KLF15: variants seen among roughly 807,000 people sequenced by gnomAD.
KLF15 encodes the protein KLF transcription factor 15, also known as Krueppel-like factor 15.
Under a neutral mutation model 24.6 loss-of-function variants are expected in KLF15, and 4 were observed. The ratio of observed to expected loss-of-function variants is 0.16; its 90% confidence interval spans 0.08 to 0.37. The LOEUF (loss-of-function observed/expected upper bound fraction) is 0.37, where lower values mean the gene tolerates loss of function less well. KLF15 is among the 10% of genes least tolerant of loss of function. KLF15 has a pLI of 1.00. For synonymous variants in KLF15, 246 were observed against 236.3 expected (o/e 1.04, Z -0.37); for missense variants, 496 against 560.6 (o/e 0.88, Z 1.16).
chr3:126,303,179 T>C, the KLF15 span, among the ~76,000 whole-genome samples: 1 of 152,098 alleles, frequency 6.6e-6, no homozygotes. Flanking sequence ...AATTAGCTTT[T>C]GGAAAGATTC....
Position 126,352,324 on chromosome 3 carries a change from C to T in KLF15, c.599G>A (p.Ser200Asn), listed in dbSNP as rs531589820. Residue 200 changes from serine to asparagine, a missense_variant, in exon 2 of 3, where the codon AGT becomes AAT. By Grantham distance (46) the Ser-to-Asn change is conservative (BLOSUM62 1). Coordinates refer to ENST00000296233, the MANE Select transcript of KLF15 (RefSeq NM_014079.4). Reference sequence around the variant, plus strand: ...ACCTGGGCCCTGGGCACCTCCTGCACTGGCACCACCTGGTGGAGGGGAACA... The same window carrying T: ...ACCTGGGCCCTGGGCACCTCCTGCATTGGCACCACCTGGTGGAGGGGAACA... ...ERCSPPPGGA[S>N]AGGAQGPGGG... is the part of the protein sequence containing the mutation. The T allele has an allele frequency of 3.2e-6, 5 of 1,572,130 alleles. No individual in the cohort carries two copies. The highest frequency in any genetic ancestry group is 1.7e-4 in the Middle Eastern group (1 of 5,830).
the KLF15 span, among the ~76,000 whole-genome samples, chr3:126,333,648 C>T: frequency 6.7e-6 from 1 of 149,086 alleles, no homozygotes; most frequent in Non-Finnish European, 1.5e-5. Context: ...AGAGTCAAGA[C>T]CCATCAGTGT....
chr3:126,309,749 C>T, the KLF15 span, among the ~76,000 whole-genome samples: 18 of 152,210 alleles, frequency 1.2e-4, no homozygotes, highest in South Asian at 6.2e-4. Flanking sequence ...ATCCTGGTGC[C>T]TCTTGTAGCA....
At chr3:126,288,797 C>G in the KLF15 span, 3 of 152,320 alleles carry the variant, frequency 2.0e-5, no homozygotes, top group South Asian at 4.2e-4. Context: ...TTGACACAGT[C>G]TGAAAACAAA....
At chr3:126,341,974 C>T (rs1464705681), downstream of KLF15, among the ~76,000 whole-genome samples, 1 of 152,158 alleles carries the variant, frequency 6.6e-6, no homozygotes, top group Non-Finnish European at 1.5e-5. Flanking sequence ...CATAGCCCCT[C>T]CTTGTGCTTG....
chr3:126,328,376 G>GTGAATTT, the KLF15 span, among the ~76,000 whole-genome samples: 2 of 152,142 alleles, frequency 1.3e-5, no homozygotes, highest in African/African-American at 4.8e-5. Flanking sequence ...ATTGTGAATT[G>GTGAATTT]TGCTGCTATA....
At chr3:126,307,962 C>T in the KLF15 span, among the ~76,000 whole-genome samples, 379 of 152,272 alleles carry the variant, frequency 2.5e-3, no homozygotes, top group Non-Finnish European at 3.5e-3. Flanking sequence ...TGGCTGTGCC[C>T]GCAGCCCGGT....
At chr3:126,332,007 A>C in the KLF15 span, among the ~76,000 whole-genome samples, 1 of 152,190 alleles carries the variant, frequency 6.6e-6, no homozygotes, top group African/African-American at 2.4e-5. Flanking sequence ...GGCGCCCGCC[A>C]TTGCCCAGGC....
chr3:126,338,664 T>C (rs982077951), downstream of KLF15, among the ~76,000 whole-genome samples: 13 of 152,206 alleles, frequency 8.5e-5, no homozygotes, highest in Non-Finnish European at 1.8e-4. Flanking sequence ...TCTTTCTCTA[T>C]CAATATTTGA....
At chr3:126,324,804 C>CTA in the KLF15 span, among the ~76,000 whole-genome samples, 1 of 46,772 alleles carries the variant, frequency 2.1e-5, no homozygotes. Flanking sequence ...TTTTTTTTCG[C>CTA]TCTTTTTTTT....
chr3:126,314,753 C>T, the KLF15 span, among the ~76,000 whole-genome samples: 67 of 152,330 alleles, frequency 4.4e-4, no homozygotes, highest in East Asian at 4.4e-3. Context: ...CTCTATGCCC[C>T]CATATAGTAG....
At chr3:126,301,597 CTTTT>C in the KLF15 span, among the ~76,000 whole-genome samples, 2 of 147,218 alleles carry the variant, frequency 1.4e-5, no homozygotes, top group Non-Finnish European at 3.0e-5. Flanking sequence ...TGCTTTCTTT[CTTTT>C]TTCTTTTTCT....
At chr3:126,293,951 A>G in the KLF15 span, 1 of 152,228 alleles carries the variant, frequency 6.6e-6, no homozygotes, top group Admixed American at 6.5e-5. Flanking sequence ...GACGGCAGGC[A>G]GGCCCCTCCC....
chr3:126,343,693 CG>C lies in KLF15; in HGVS notation c.*33del. The C allele has an allele frequency of 6.3e-7, 1 of 1,590,434 alleles. No individual in the cohort carries two copies. The highest frequency in any genetic ancestry group is 1.1e-5 in the South Asian group (1 of 87,932). On this transcript the variant is annotated 3_prime_UTR_variant, in exon 3 of 3. Coordinates refer to ENST00000296233, the MANE Select transcript of KLF15 (RefSeq NM_014079.4). ...AAAAAATGGGGATGGGGTGGGGATC[CG>C]GGGTGACGGACAGGCTGGGGTTCAG...
At chr3:126,338,956 C>T (rs1406203792), downstream of KLF15, among the ~76,000 whole-genome samples, 4 of 152,226 alleles carry the variant, frequency 2.6e-5, no homozygotes, top group East Asian at 7.7e-4. Flanking sequence ...AACGTCCCGG[C>T]TGGGTTCTGA....
At chr3:126,306,804 G>A in the KLF15 span, among the ~76,000 whole-genome samples, 1 of 152,234 alleles carries the variant, frequency 6.6e-6, no homozygotes, top group Non-Finnish European at 1.5e-5. Context: ...TTAGAAAGCA[G>A]CCCTTTGGTC....
the KLF15 span, among the ~76,000 whole-genome samples, chr3:126,295,366 G>A: frequency 2.6e-5 from 4 of 152,204 alleles, no homozygotes; most frequent in African/African-American, 9.6e-5. Context: ...TACACTTCTA[G>A]TGAGGGCAAC....
chr3:126,294,688 A>G, the KLF15 span, among the ~76,000 whole-genome samples: 1 of 152,066 alleles, frequency 6.6e-6, no homozygotes, highest in African/African-American at 2.4e-5. Context: ...TGCTGAGGTC[A>G]GCAGCTCAAG....
the KLF15 span, among the ~76,000 whole-genome samples, chr3:126,323,196 T>A: frequency 2.1e-4 from 31 of 150,528 alleles, no homozygotes; most frequent in African/African-American, 7.5e-4. Flanking sequence ...ATTGTTAGCA[T>A]TTCACACAAT....
Sources: allele counts gnomAD v4.1 joint callset (sites outside exome capture counted in the v4.1 genomes callset), GRCh38; gene constraint gnomAD v4.1.1; transcripts MANE v1.5; gene names NCBI Gene and HGNC (gene_info 2026-07-23, HGNC 2026-07-21).